Variants in PIP5K1B observed in about 807,000 individuals in gnomAD.
PIP5K1B encodes phosphatidylinositol-4-phosphate 5-kinase type 1 beta.
Under a neutral mutation model 67.0 loss-of-function variants are expected in PIP5K1B, and 42 were observed. The ratio of observed to expected loss-of-function variants is 0.63; its 90% confidence interval spans 0.49 to 0.81. The LOEUF is 0.81. PIP5K1B is among the 30% of genes least tolerant of loss of function. The probability of loss-of-function intolerance (pLI) is 0.00; values close to 1 mark genes in which losing one functional copy is unlikely to be tolerated. For synonymous variants in PIP5K1B, 214 were observed against 231.4 expected (o/e 0.92, Z 0.68); for missense variants, 459 against 646.3 (o/e 0.71, Z 3.14).
chr9:68,780,373 G>A, intron 2 of PIP5K1B: 1 of 1,613,346 alleles, frequency 6.2e-7, no homozygotes. Context: ...AGCCGCCACG[G>A]CCTGCTGCTG....
Position 68,887,748 on chromosome 9 carries a change from G to A in PIP5K1B, c.319-1233G>A, listed in dbSNP as rs543634450. On this transcript the variant is annotated intron_variant, in intron 6 of 15. Transcript: ENST00000265382. ...GAACTAAGGGTGTTGGCAGAGGCGG[G>A]CAGGCAGCATCAACAGTCTGGTTAG... 4.6e-5 allele frequency among the ~76,000 whole-genome samples: 7 copies of A among 152,280 alleles called. No homozygotes were observed. The South Asian group carries it at 8.3e-4, about 18-fold the overall frequency.
intron 14 of PIP5K1B, among the ~76,000 whole-genome samples, chr9:68,980,742 A>G (rs1171577186): frequency 6.6e-6 from 1 of 152,200 alleles, no homozygotes; most frequent in Non-Finnish European, 1.5e-5. Flanking sequence ...GCTTGTATCA[A>G]GGCCTCTGCC....
At chr9:68,724,395 G>A (rs1828054687) in intron 1 of PIP5K1B, among the ~76,000 whole-genome samples, 1 of 151,908 alleles carries the variant, frequency 6.6e-6, no homozygotes, top group Non-Finnish European at 1.5e-5. Flanking sequence ...GTTTTATACA[G>A]ATTTTAGGAT....
intron 2 of PIP5K1B, among the ~76,000 whole-genome samples, chr9:68,802,915 GA>G (rs1401679801): frequency 1.3e-5 from 2 of 152,190 alleles, no homozygotes; most frequent in Admixed American, 6.5e-5. Context: ...TGGTTAGACA[GA>G]TTTGCATATA....
intron 12 of PIP5K1B, among the ~76,000 whole-genome samples, chr9:68,929,329 C>CTT (rs1826875572): frequency 2.6e-5 from 4 of 152,284 alleles, no homozygotes; most frequent in Non-Finnish European, 4.4e-5. Context: ...GGACAGATCC[C>CTT]TGTAGAGATT....
At chr9:68,764,038 G>C (rs1364581529) in intron 2 of PIP5K1B, among the ~76,000 whole-genome samples, 3 of 140,262 alleles carry the variant, frequency 2.1e-5, no homozygotes, top group African/African-American at 7.9e-5. Flanking sequence ...TCCTTTTACA[G>C]ATATCCCTTT....
chr9:68,968,857 C>T (rs1829185583), intron 14 of PIP5K1B, among the ~76,000 whole-genome samples: 1 of 152,068 alleles, frequency 6.6e-6, no homozygotes, highest in Non-Finnish European at 1.5e-5. Flanking sequence ...TGAACCTCTC[C>T]AAGATTCTCT....
intron 4 of PIP5K1B, among the ~76,000 whole-genome samples, chr9:68,854,034 T>C (rs1822636838): frequency 6.6e-6 from 1 of 150,714 alleles, no homozygotes; most frequent in African/African-American, 2.4e-5. Context: ...GTTTTTATTA[T>C]TATTATTATT....
At chr9:68,951,010 T>C (rs1217340001) in intron 14 of PIP5K1B, among the ~76,000 whole-genome samples, 1 of 152,220 alleles carries the variant, frequency 6.6e-6, no homozygotes, top group African/African-American at 2.4e-5. Flanking sequence ...GCCTTTGCAT[T>C]TAGTTCATGA....
chr9:68,876,347 A>G (rs927985107), intron 5 of PIP5K1B, among the ~76,000 whole-genome samples: 2 of 152,188 alleles, frequency 1.3e-5, no homozygotes, highest in East Asian at 1.9e-4. Flanking sequence ...TCTAAGGCCT[A>G]GATCTTTTAC....
At chr9:68,771,108 G>A (rs1587418252) in intron 2 of PIP5K1B, among the ~76,000 whole-genome samples, 1 of 152,184 alleles carries the variant, frequency 6.6e-6, no homozygotes, top group African/African-American at 2.4e-5. Context: ...TAGCTCTCTC[G>A]GATGCCTTTT....
intron 12 of PIP5K1B, among the ~76,000 whole-genome samples, chr9:68,929,270 T>A (rs1396075890): frequency 2.0e-5 from 3 of 152,094 alleles, no homozygotes; most frequent in Admixed American, 2.0e-4. Context: ...ATTTGTTGAA[T>A]GGATGAATAT....
At chr9:69,008,346 A>G (rs1831180939) in intron 15 of PIP5K1B, 101 bp from the exon 16 acceptor site, 1 of 1,000,906 alleles carries the variant, frequency 1.0e-6, no homozygotes, top group Admixed American at 1.7e-5. Context: ...TCCAGACACA[A>G]GTGATTGGGA....
intron 14 of PIP5K1B, among the ~76,000 whole-genome samples, chr9:68,945,710 G>A (rs1176795247): frequency 6.6e-6 from 1 of 152,178 alleles, no homozygotes. Flanking sequence ...TTACACATGA[G>A]GAAATTGATG....
chr9:68,938,346 T>A (rs1422797176), intron 13 of PIP5K1B, among the ~76,000 whole-genome samples: 13 of 152,232 alleles, frequency 8.5e-5, no homozygotes, highest in Non-Finnish European at 2.9e-5. Flanking sequence ...CCTTTACCAC[T>A]ATGTAATGGC....
At chr9:68,877,271 A>G (rs954772854) in intron 6 of PIP5K1B, among the ~76,000 whole-genome samples, 4 of 152,200 alleles carry the variant, frequency 2.6e-5, no homozygotes, top group Non-Finnish European at 5.9e-5. Flanking sequence ...CTTTTTAAAC[A>G]TATTTTTAGT....
At chr9:68,729,372 C>T (rs889082428) in intron 1 of PIP5K1B, among the ~76,000 whole-genome samples, 1 of 151,924 alleles carries the variant, frequency 6.6e-6, no homozygotes, top group Non-Finnish European at 1.5e-5. Flanking sequence ...TTTCTGTTAC[C>T]TAGGGCAAAG....
chr9:68,988,697 C>T (rs553752156), intron 14 of PIP5K1B, among the ~76,000 whole-genome samples: 3 of 152,072 alleles, frequency 2.0e-5, no homozygotes, highest in African/African-American at 7.2e-5. Flanking sequence ...ATGATCTGCC[C>T]GCCTTGGCCT....
chr9:68,992,839 CAAAAAAAAAA>C (rs201517701), intron 15 of PIP5K1B, among the ~76,000 whole-genome samples: 65 of 57,572 alleles, frequency 1.1e-3, no homozygotes, highest in African/African-American at 4.7e-3. Context: ...GACCCTGTCT[CAAAAAAAAAA>C]AAAAAAAAAA....
Sources: gnomAD v4.1 joint callset for allele counts (sites outside exome capture counted in the v4.1 genomes callset) on GRCh38, gnomAD v4.1.1 for gene constraint, MANE v1.5 for transcripts, NCBI Gene and HGNC (gene_info 2026-07-23, HGNC 2026-07-21) for gene names.